The following CSN2 variants were observed in gnomAD, a reference collection of about 807,000 sequenced individuals.
The protein encoded by CSN2 is casein beta.
A neutral mutation model predicts 27.3 loss-of-function variants in CSN2; 27 were observed. That is an observed-to-expected ratio of 0.99 (90% CI 0.73 to 1.36). CSN2 has a LOEUF of 1.36. CSN2 is among the 40% of genes most tolerant of loss of function. The probability of loss-of-function intolerance (pLI) is 0.00; values close to 1 mark genes in which losing one functional copy is unlikely to be tolerated. For missense variants in CSN2, 333 were observed against 264.5 expected, an observed-to-expected ratio of 1.26 and a Z score of -1.80; for synonymous variants, 131 against 94.8, an observed-to-expected ratio of 1.38 and a Z score of -2.22.
chr4:69,956,721 T>A (rs1327513711), intron 6 of CSN2, among the ~76,000 whole-genome samples: 1 of 152,184 alleles, frequency 6.6e-6, no homozygotes, highest in African/African-American at 2.4e-5. Flanking sequence ...TATTATTAAA[T>A]TTAATTCCGG....
In CSN2 at chr4:69,960,946, T is replaced by C; in HGVS notation, c.50A>G (p.Glu17Gly). The C allele has an allele frequency of 2.5e-6, 4 of 1,612,538 alleles. No individual in the cohort carries two copies. The highest frequency in any genetic ancestry group is 3.4e-6 in the Non-Finnish European group (4 of 1,178,948). The change falls in exon 2 of 8, where the codon GAG becomes GGG. Residue 17 changes from glutamate (E) to glycine (G), a missense_variant and splice_region_variant. Transcript: ENST00000353151. ...AGGAATTTTTTCTTGTGCACATACC[T>C]CCCTTGCAAGAGCAAGAGCCACCAG... Reference protein sequence around the residue: ...ACLVALALARETIESLSSSEE... With the variant: ...ACLVALALARGTIESLSSSEE...
In CSN2 at chr4:69,957,555, T is replaced by C; in HGVS notation, c.394A>G (p.Lys132Glu). 6.2e-7 allele frequency: 1 copy of C among 1,613,826 alleles called. No homozygotes were observed. Among genetic ancestry groups the C allele is most frequent in the Non-Finnish European group, 8.5e-7 (1 of 1,179,954 alleles). The change falls in exon 6 of 8, where the codon AAA becomes GAA. Residue 132 changes from lysine to glutamate, a missense_variant. Physicochemically the swap from Lys to Glu is moderately conservative, Grantham distance 56. Transcript: ENST00000353151. Reference protein sequence around the residue: ...TIPFFDPQIPKLTDLENLHLP... With the variant: ...TIPFFDPQIPELTDLENLHLP... ...TGCAGATTTTCAAGATCAGTGAGTT[T>C]TGGGATTTGAGGGTCAAAAAAGGGT...
intron 7 of CSN2, among the ~76,000 whole-genome samples, chr4:69,956,109 T>C (rs971148731): frequency 1.3e-5 from 2 of 151,994 alleles, no homozygotes; most frequent in Non-Finnish European, 2.9e-5. Flanking sequence ...CAATAGTACA[T>C]AAATAAAATT....
Position 69,961,016 on chromosome 4 carries a change from G to A in CSN2, c.-12-9C>T, listed in dbSNP as rs1031220827. The A allele has an allele frequency of 1.2e-5, 19 of 1,607,344 alleles. No individual in the cohort carries two copies. Among genetic ancestry groups the A allele is most frequent in the Non-Finnish European group, 1.6e-5 (19 of 1,175,126 alleles). On this transcript the variant is annotated splice_polypyrimidine_tract_variant and intron_variant, in intron 1 of 7. Coordinates refer to ENST00000353151, the MANE Select transcript of CSN2 (RefSeq NM_001891.4). The stretch of plus-strand genomic sequence containing the variant: ...TTCATGGCTACTAAGTCCTGTGAAT[G>A]TAGAAAAAATGGAATGGTGGAAGAT...
rs375269905 is a variant in CSN2, at chr4:69,956,635, G to A, written c.676-280C>T. On this transcript the variant is annotated intron_variant, in intron 6 of 7. Coordinates refer to ENST00000353151, the MANE Select transcript of CSN2 (RefSeq NM_001891.4). ...ACTTATAGCAAAAACAAGATGTGAA[G>A]TAAGGCTTGTGTAAAAGAGATGTGC... Among the ~76,000 whole-genome samples the A allele has an allele frequency of 2.3e-4, 35 of 152,276 alleles. No individual in the cohort carries two copies. In the East Asian group the frequency reaches 6.6e-3, roughly 29 times the overall value.
rs1358041531 is a variant in CSN2 at position 69,960,356 on chromosome 4, ATTACT to A, written c.52-282_52-278del. ...TATGACTTTTGAGGTTTAAAAGGTA[ATTACT>A]TTAATGTCTTTTATATTTAGTAATC... On this transcript the variant is annotated intron_variant, in intron 2 of 7. Transcript: ENST00000353151. Among the ~76,000 whole-genome samples, 5 of 151,830 alleles carry A rather than the reference ATTACT, an allele frequency of 3.3e-5. No individual in the cohort carries two copies. The East Asian group carries it at 5.8e-4, about 18-fold the overall frequency.
Position 69,957,435 on chromosome 4 carries a change from GA to G in CSN2, c.513del (p.Pro172LeufsTer42), listed in dbSNP as rs758294891. ...GGGATAGGCAGGACTTTGGGCTGAG[GA>G]ACAGACCACAGGGGCTGAGGGGGAA... ...LALPPQPLWS[V>X]PQPKVLPIPQ... On this transcript the variant is annotated frameshift_variant, in exon 6 of 8. Transcript: ENST00000353151. LOFTEE classifies it high-confidence loss of function. The G allele has an allele frequency of 1.2e-6, 2 of 1,613,678 alleles. No homozygotes were observed. Among genetic ancestry groups the G allele is most frequent in the South Asian group, 2.2e-5 (2 of 91,058 alleles).
chr4:69,965,310 G>T (rs1394147331), intron 1 of CSN2, among the ~76,000 whole-genome samples: 1 of 147,988 alleles, frequency 6.8e-6, no homozygotes, highest in African/African-American at 2.5e-5. Flanking sequence ...TATAATTGAA[G>T]TATAATTCTT....
intron 1 of CSN2, among the ~76,000 whole-genome samples, chr4:69,964,582 T>G (rs1190080379): frequency 1.3e-5 from 2 of 151,720 alleles, no homozygotes; most frequent in Non-Finnish European, 2.9e-5. Context: ...TGAATGTTAA[T>G]TAAGTTTTTA....
intron 1 of CSN2, among the ~76,000 whole-genome samples, chr4:69,963,912 G>T (rs907620913): frequency 6.6e-6 from 1 of 152,128 alleles, no homozygotes; most frequent in African/African-American, 2.4e-5. Context: ...TACTGGAAGA[G>T]ACTGATCAAG....
intron 1 of CSN2, 128 bp from the exon 2 acceptor site, chr4:69,961,135 T>G (rs909515527): frequency 5.2e-6 from 3 of 577,134 alleles, no homozygotes; most frequent in Non-Finnish European, 9.4e-6. Flanking sequence ...TATCTGCATT[T>G]AGAAAATAAA....
chr4:69,963,871 C>T (rs1264488398), intron 1 of CSN2, among the ~76,000 whole-genome samples: 2 of 152,140 alleles, frequency 1.3e-5, no homozygotes, highest in African/African-American at 2.4e-5. Context: ...TATTACAGTC[C>T]TGATATTACT....
At position 69,957,699 on chromosome 4, in the gene CSN2, GAGGC is replaced by G; in HGVS notation, c.246_249del (p.Pro83LeufsTer15). On this transcript the variant is annotated frameshift_variant, in exon 6 of 8. Transcript: ENST00000353151. LOFTEE classifies it high-confidence loss of function. The stretch of plus-strand genomic sequence containing the variant: ...GGCAGCACCACAGCAGGCTGAGCAA[GAGGC>G]AGAATGTTTTGTGGAAGAAAACCAT... 2 of 1,614,002 alleles carry G rather than the reference GAGGC, an allele frequency of 1.2e-6. No homozygotes were observed. The highest frequency in any genetic ancestry group is 2.2e-5 in the South Asian group (2 of 91,082).
chr4:69,957,592 T>A lies in CSN2; in HGVS notation c.357A>T (p.Lys119Asn). 4.3e-6 allele frequency: 7 copies of A among 1,613,916 alleles called. No individual in the cohort carries two copies. The highest frequency in any genetic ancestry group is 5.9e-6 in the Non-Finnish European group (7 of 1,179,980). ...GGTCAAAAAAGGGTATCGTTGGAGA[T>A]TTAAGGACAGGCATCACTCTGCCCT... ...YTKGRVMPVL[K>N]SPTIPFFDPQ... Residue 119 changes from lysine to asparagine, a missense_variant, in exon 6 of 8, where the codon AAA becomes AAT. Physicochemically the swap from Lys to Asn is moderately conservative, Grantham distance 94 (BLOSUM62 0). Coordinates refer to ENST00000353151, the MANE Select transcript of CSN2 (RefSeq NM_001891.4).
intron 1 of CSN2, among the ~76,000 whole-genome samples, chr4:69,963,397 T>C (rs1437177392): frequency 6.6e-6 from 1 of 152,084 alleles, no homozygotes; most frequent in Non-Finnish European, 1.5e-5. Context: ...CATGGAATAC[T>C]ATGCAGCCAT....
In CSN2 at chr4:69,960,109, A is replaced by T. The variant is rs757638215; in HGVS notation, c.52-30T>A. ...GGGAAAAAAAAATTGACAACCAGCT[A>T]AATCTTCTAGATCATTAGAGAATTT... On this transcript the variant is annotated intron_variant, in intron 2 of 7. Coordinates refer to ENST00000353151, the MANE Select transcript of CSN2 (RefSeq NM_001891.4). 3 of 1,602,210 alleles carry T rather than the reference A, an allele frequency of 1.9e-6. No homozygotes were observed. The Admixed American group carries it at 5.0e-5, about 27-fold the overall frequency.
chr4:69,957,761 G>A lies in CSN2; in HGVS notation c.188C>T (p.Pro63Leu), dbSNP rs1201712508. 6.2e-7 allele frequency: 1 copy of A among 1,613,864 alleles called. No individual in the cohort carries two copies. The highest frequency in any genetic ancestry group is 1.3e-5 in the African/African-American group (1 of 74,998). The part of the protein sequence containing the change: ...DKIYPSFQPQ[P>L]LIYPFVEPIP... ...AGGTTCAACGAATGGATAGATCAGA[G>A]GCTGTGGCTGGAAAGAGGGGTAGAT... Residue 63 changes from proline to leucine, a missense_variant, in exon 6 of 8, where the codon CCT becomes CTT. Coordinates refer to ENST00000353151, the MANE Select transcript of CSN2 (RefSeq NM_001891.4).
chr4:69,958,063 C>CT (rs987285967), intron 5 of CSN2, among the ~76,000 whole-genome samples: 7 of 152,100 alleles, frequency 4.6e-5, no homozygotes, highest in East Asian at 3.9e-4. Context: ...TTCAGAAACA[C>CT]TTTTTTTAAC....
At position 69,957,718 on chromosome 4, in the gene CSN2, A is replaced by G; in HGVS notation, c.231T>C (p.Leu77=). The part of the protein sequence containing the change: ...PFVEPIPYGF[L]PQNILPLAQP... Reference sequence around the variant, plus strand: ...GAGCAAGAGGCAGAATGTTTTGTGGAAGAAAACCATAGGGGATAGGTTCAA... The same window carrying G: ...GAGCAAGAGGCAGAATGTTTTGTGGGAGAAAACCATAGGGGATAGGTTCAA... Residue 77 remains leucine, a synonymous_variant, in exon 6 of 8, where the codon CTT becomes CTC. Coordinates refer to ENST00000353151, the MANE Select transcript of CSN2 (RefSeq NM_001891.4). The G allele has an allele frequency of 6.2e-7, 1 of 1,613,994 alleles. No individual in the cohort carries two copies. Among genetic ancestry groups the G allele is most frequent in the South Asian group, 1.1e-5 (1 of 91,078 alleles).
Sources: gnomAD v4.1 joint callset for allele counts (sites outside exome capture counted in the v4.1 genomes callset) on GRCh38, gnomAD v4.1.1 for gene constraint, MANE v1.5 for transcripts, NCBI Gene and HGNC (gene_info 2026-07-23, HGNC 2026-07-21) for gene names.